Variants in MEIS1 observed in about 807,000 individuals in gnomAD.
The protein encoded by MEIS1 is homeobox protein Meis1.
MEIS1 carries 5 observed loss-of-function variants against 50.8 expected under a neutral mutation model. That is an observed-to-expected ratio of 0.10 (90% CI 0.05 to 0.21). The LOEUF (loss-of-function observed/expected upper bound fraction) is 0.21. Ranked by LOEUF, MEIS1 falls within the 10% of genes least tolerant of loss-of-function variation. MEIS1 has a pLI of 1.00. For synonymous variants in MEIS1, 176 were observed against 179.3 expected, an observed-to-expected ratio of 0.98 and a Z score of 0.15; for missense variants, 318 against 517.3, an observed-to-expected ratio of 0.61 and a Z score of 3.74.
chr2:66,571,266 G>T lies in MEIS1; in HGVS notation c.*58G>T. The stretch of plus-strand genomic sequence containing the variant: ...TACAGGGCTGCAAAGTATGCCAGGG[G>T]AGTATGTAGCCCGGGGTGGTCCAAT... On this transcript the variant is annotated 3_prime_UTR_variant, in exon 13 of 13. Coordinates refer to ENST00000272369, the MANE Select transcript of MEIS1 (RefSeq NM_002398.3). 6.3e-7 allele frequency: 1 copy of T among 1,592,218 alleles called. No homozygotes were observed. The highest frequency in any genetic ancestry group is 8.6e-7 in the Non-Finnish European group (1 of 1,169,446).
At position 66,442,907 on chromosome 2, in the gene MEIS1, C is replaced by T. The variant is rs540467903; in HGVS notation, c.489C>T (p.His163=). ...RFHLLELEKV[H]ELCDNFCHRY... is the part of the protein sequence containing the mutation. The stretch of plus-strand genomic sequence containing the variant: ...TTATTTCTGTCATAATGTAGGTACA[C>T]GAATTATGTGACAATTTCTGCCACC... Residue 163 remains histidine (H), a synonymous_variant, in exon 6 of 13, where the codon CAC becomes CAT. Transcript: ENST00000272369. The T allele has an allele frequency of 5.7e-5, 90 of 1,587,900 alleles. No homozygotes were observed. The South Asian group carries it at 5.7e-4, about 10-fold the overall frequency.
At chr2:66,485,873 G>A (rs1673130392) in intron 7 of MEIS1, among the ~76,000 whole-genome samples, 1 of 152,158 alleles carries the variant, frequency 6.6e-6, no homozygotes, top group South Asian at 2.1e-4. Flanking sequence ...TTTTTCATAT[G>A]TTTGTTGGCC....
intron 7 of MEIS1, among the ~76,000 whole-genome samples, chr2:66,480,582 TG>T (rs1423844838): frequency 6.6e-6 from 1 of 152,244 alleles, no homozygotes; most frequent in Non-Finnish European, 1.5e-5. Flanking sequence ...TTGATCTTTT[TG>T]TCTGTTTTTC....
chr2:66,440,363 G>A (rs748797318), intron 3 of MEIS1, 199 bp from the exon 4 acceptor site: 2 of 624,632 alleles, frequency 3.2e-6, no homozygotes, highest in Non-Finnish European at 5.7e-6. Flanking sequence ...TGAGCTCTGG[G>A]CTTGTTTTCA....
At chr2:66,571,009 C>A in intron 12 of MEIS1, 1 of 470,840 alleles carries the variant, frequency 2.1e-6, no homozygotes, top group Admixed American at 4.2e-5. Flanking sequence ...TAAATAAGAC[C>A]TCAGTAGGCG....
At chr2:66,445,571 C>G (rs766980716) in intron 6 of MEIS1, among the ~76,000 whole-genome samples, 1 of 152,206 alleles carries the variant, frequency 6.6e-6, no homozygotes, top group African/African-American at 2.4e-5. Flanking sequence ...AGGGTGCGCT[C>G]CGGGACTGGG....
chr2:66,548,996 C>A (rs1053209988), intron 9 of MEIS1, among the ~76,000 whole-genome samples: 3 of 152,144 alleles, frequency 2.0e-5, no homozygotes, highest in Non-Finnish European at 4.4e-5. Flanking sequence ...ATGGCCTAAT[C>A]CATTTTGGTG....
chr2:66,451,535 A>G (rs1161250021), intron 6 of MEIS1, among the ~76,000 whole-genome samples: 2 of 152,092 alleles, frequency 1.3e-5, no homozygotes, highest in African/African-American at 4.8e-5. Flanking sequence ...CTGAATGAAT[A>G]AGAATTTCTT....
chr2:66,556,678 A>T (rs115144486), intron 9 of MEIS1, among the ~76,000 whole-genome samples: 1 of 152,244 alleles, frequency 6.6e-6, no homozygotes, highest in Non-Finnish European at 1.5e-5. Context: ...GGCCTATATC[A>T]CTAGGACATC....
At chr2:66,504,614 G>A (rs1454541980) in intron 7 of MEIS1, among the ~76,000 whole-genome samples, 7 of 152,172 alleles carry the variant, frequency 4.6e-5, no homozygotes, top group East Asian at 1.9e-4. Context: ...TCTCTGTGGA[G>A]CCAACTTTAG....
chr2:66,561,241 G>T (rs1240135770), intron 9 of MEIS1, among the ~76,000 whole-genome samples: 1 of 152,004 alleles, frequency 6.6e-6, no homozygotes, highest in Non-Finnish European at 1.5e-5. Flanking sequence ...ATTAAGGGAT[G>T]CTGACTTTAA....
At chr2:66,452,059 A>G (rs1672288907) in intron 6 of MEIS1, among the ~76,000 whole-genome samples, 1 of 151,910 alleles carries the variant, frequency 6.6e-6, no homozygotes, top group Admixed American at 6.6e-5. Flanking sequence ...GTAAGATGCT[A>G]TTTGCTATTA....
intron 8 of MEIS1, among the ~76,000 whole-genome samples, chr2:66,541,989 G>T (rs141025878): frequency 1.3e-5 from 2 of 152,062 alleles, no homozygotes; most frequent in East Asian, 3.9e-4. Context: ...TTTTTTTAAA[G>T]GAAAAAAGTA....
intron 3 of MEIS1, 49 bp from the exon 4 acceptor site, chr2:66,440,513 T>A (rs764647553): frequency 6.5e-7 from 1 of 1,534,554 alleles, no homozygotes; most frequent in Non-Finnish European, 9.0e-7. Context: ...AATTTTTCTT[T>A]CTTTTTTCTC....
intron 8 of MEIS1, among the ~76,000 whole-genome samples, chr2:66,526,527 C>T (rs1405196698): frequency 6.6e-6 from 1 of 152,150 alleles, no homozygotes; most frequent in African/African-American, 2.4e-5. Context: ...ATTTGAAATA[C>T]AGTATGTGTG....
intron 1 of MEIS1, chr2:66,436,747 T>G (rs1671806277): frequency 5.0e-6 from 2 of 397,210 alleles, no homozygotes; most frequent in Non-Finnish European, 6.8e-6. Context: ...CTCCTTTCTT[T>G]GAAAATCATT....
chr2:66,484,775 G>T (rs1369121328), intron 7 of MEIS1, among the ~76,000 whole-genome samples: 2 of 152,042 alleles, frequency 1.3e-5, no homozygotes, highest in Non-Finnish European at 2.9e-5. Flanking sequence ...GGTTAGGCTG[G>T]TCTCGAACTC....
chr2:66,456,235 T>TACACACACAC (rs3220293), intron 6 of MEIS1, among the ~76,000 whole-genome samples: 15,797 of 147,492 alleles, frequency 0.11, 935 homozygotes, highest in Non-Finnish European at 0.13. Flanking sequence ...ATGATTTTTA[T>TACACACACAC]ACACACACAC....
intron 8 of MEIS1, among the ~76,000 whole-genome samples, chr2:66,518,514 G>T (rs1674026153): frequency 6.6e-6 from 1 of 152,184 alleles, no homozygotes; most frequent in Non-Finnish European, 1.5e-5. Context: ...TTTACAATTT[G>T]TTAGGTTGTT....
Sources: allele counts gnomAD v4.1 joint callset (sites outside exome capture counted in the v4.1 genomes callset), GRCh38; gene constraint gnomAD v4.1.1; transcripts MANE v1.5; gene names NCBI Gene and HGNC (gene_info 2026-07-23, HGNC 2026-07-21).